RPA1: variants seen among roughly 807,000 people sequenced by gnomAD.
The protein encoded by RPA1 is replication protein A 70 kDa DNA-binding subunit.
RPA1 carries 49 observed loss-of-function variants against 83.0 expected under a neutral mutation model. That is an observed-to-expected ratio of 0.59 (90% CI 0.47 to 0.75). The LOEUF is 0.75. Among genes scored for constraint, RPA1 ranks in the 30% least tolerant of loss-of-function variants. RPA1 has a pLI of 0.00. For synonymous variants in RPA1, 279 were observed against 281.8 expected (o/e 0.99, Z 0.10); for missense variants, 693 against 776.1 (o/e 0.89, Z 1.27).
At chr17:1,864,178 C>G (rs1913091202) in intron 5 of RPA1, among the ~76,000 whole-genome samples, 1 of 152,226 alleles carries the variant, frequency 6.6e-6, no homozygotes, top group Non-Finnish European at 1.5e-5. Flanking sequence ...CTCTGCTGCT[C>G]CCAATAGACA....
chr17:1,846,655 T>C (rs1265211570), intron 4 of RPA1, among the ~76,000 whole-genome samples: 3 of 152,158 alleles, frequency 2.0e-5, no homozygotes, highest in Non-Finnish European at 4.4e-5. Flanking sequence ...TGTGGTATGC[T>C]TGTTCAGTCT....
intron 14 of RPA1, 122 bp downstream of exon 14, chr17:1,888,973 G>C (rs1013239469): frequency 4.0e-6 from 4 of 1,012,558 alleles, no homozygotes; most frequent in Non-Finnish European, 5.7e-6. Flanking sequence ...AGATGAGTAG[G>C]TGTGGAAGAG....
intron 5 of RPA1, among the ~76,000 whole-genome samples, chr17:1,860,043 C>T (rs891982567): frequency 6.6e-6 from 1 of 152,152 alleles, no homozygotes; most frequent in East Asian, 1.9e-4. Flanking sequence ...CATCTCTTGA[C>T]GTCATGATCT....
intron 9 of RPA1, 65 bp from the exon 10 acceptor site, chr17:1,879,150 C>T: frequency 6.2e-7 from 1 of 1,608,246 alleles, no homozygotes; most frequent in Non-Finnish European, 8.5e-7. Flanking sequence ...TGTGTGGTGG[C>T]AGACTAGGGG....
At chr17:1,845,195 T>TGTGC (rs1912213423) in intron 4 of RPA1, among the ~76,000 whole-genome samples, 2 of 147,854 alleles carry the variant, frequency 1.4e-5, no homozygotes, top group East Asian at 2.0e-4. Context: ...TGTGTGTGTG[T>TGTGC]ACAATCTTGA....
At chr17:1,891,769 C>G in intron 14 of RPA1, 64 bp from the exon 15 acceptor site, 2 of 1,074,026 alleles carry the variant, frequency 1.9e-6, no homozygotes, top group South Asian at 1.4e-5. Context: ...TAACCTCTCC[C>G]CATCTTCTCA....
intron 13 of RPA1, among the ~76,000 whole-genome samples, 173 bp from the exon 14 acceptor site, chr17:1,888,502 G>A (rs753004206): frequency 9.9e-5 from 15 of 152,102 alleles, no homozygotes; most frequent in Non-Finnish European, 1.5e-4. Context: ...TTTTGTACTC[G>A]GCACATGTGA....
At chr17:1,868,408 T>C (rs1913262763) in intron 5 of RPA1, among the ~76,000 whole-genome samples, 1 of 152,206 alleles carries the variant, frequency 6.6e-6, no homozygotes, top group Non-Finnish European at 1.5e-5. Flanking sequence ...ATCCAGAACT[T>C]GTGCCATGTG....
At chr17:1,837,149 T>C (rs1221086575) in intron 1 of RPA1, among the ~76,000 whole-genome samples, 1 of 152,128 alleles carries the variant, frequency 6.6e-6, no homozygotes, top group African/African-American at 2.4e-5. Flanking sequence ...AAATATTTTT[T>C]GTAGCGATGG....
At chr17:1,844,530 T>G in intron 3 of RPA1, 48 bp from the exon 4 acceptor site, 1 of 1,503,754 alleles carries the variant, frequency 6.7e-7, no homozygotes, top group Non-Finnish European at 9.2e-7. Flanking sequence ...TCTCAGAGGC[T>G]TAAGACTGCA....
At chr17:1,864,373 C>G (rs999658108) in intron 5 of RPA1, among the ~76,000 whole-genome samples, 2 of 151,656 alleles carry the variant, frequency 1.3e-5, no homozygotes, top group Admixed American at 6.6e-5. Context: ...CTCGTCTCTA[C>G]TAAAAATACA....
chr17:1,843,104 T>G (rs1912119927), intron 2 of RPA1, among the ~76,000 whole-genome samples: 1 of 151,970 alleles, frequency 6.6e-6, no homozygotes, highest in African/African-American at 2.4e-5. Flanking sequence ...TCCTCCCCAC[T>G]GTTGATAGAT....
chr17:1,836,719 C>T (rs1196180393), intron 1 of RPA1, among the ~76,000 whole-genome samples: 7 of 150,956 alleles, frequency 4.6e-5, no homozygotes, highest in South Asian at 2.1e-4. Flanking sequence ...TGGAGTGCAG[C>T]GACACAGTCA....
chr17:1,896,101 C>T (rs1411702676), intron 16 of RPA1, among the ~76,000 whole-genome samples: 1 of 152,112 alleles, frequency 6.6e-6, no homozygotes, highest in African/African-American at 2.4e-5. Flanking sequence ...CTGTGGTTAC[C>T]CTATTTTGCC....
chr17:1,875,611 A>G, intron 6 of RPA1, 50 bp from the exon 7 acceptor site: 1 of 1,556,974 alleles, frequency 6.4e-7, no homozygotes, highest in South Asian at 1.2e-5. Context: ...ACTATAAAAA[A>G]GCTAAGTAGA....
chr17:1,873,573 C>A (rs9901624), intron 6 of RPA1, among the ~76,000 whole-genome samples: 44,243 of 151,960 alleles, frequency 0.29, 8,233 homozygotes, highest in African/African-American at 0.51. Context: ...GACTTTCCCC[C>A]TTGCCCTTTG....
At chr17:1,896,483 A>C (rs1301300611) in intron 16 of RPA1, among the ~76,000 whole-genome samples, 1 of 146,938 alleles carries the variant, frequency 6.8e-6, no homozygotes, top group Non-Finnish European at 1.5e-5. Context: ...ACATTAAATG[A>C]GATAGGGGAT....
At chr17:1,894,029 GTTTT>G (rs5818841) in intron 15 of RPA1, among the ~76,000 whole-genome samples, 3 of 127,588 alleles carry the variant, frequency 2.4e-5, no homozygotes, top group African/African-American at 3.0e-5. Context: ...CCTGGCTTAA[GTTTT>G]TTTTTTTTTT....
chr17:1,877,861 C>T (rs533291197), intron 8 of RPA1, among the ~76,000 whole-genome samples: 5 of 152,292 alleles, frequency 3.3e-5, no homozygotes, highest in East Asian at 1.9e-4. Context: ...AAAACCATGA[C>T]GATGAGACAA....
Sources: allele counts gnomAD v4.1 joint callset (sites outside exome capture counted in the v4.1 genomes callset), GRCh38; gene constraint gnomAD v4.1.1; transcripts MANE v1.5; gene names NCBI Gene and HGNC (gene_info 2026-07-23, HGNC 2026-07-21).